PIP4K2B: variants seen among roughly 807,000 people sequenced by gnomAD.
PIP4K2B encodes phosphatidylinositol 5-phosphate 4-kinase type-2 beta.
A neutral mutation model predicts 42.0 loss-of-function variants in PIP4K2B; 3 were observed. That is an observed-to-expected ratio of 0.07 (90% CI 0.03 to 0.18). PIP4K2B has a LOEUF of 0.18. PIP4K2B is among the 10% of genes least tolerant of loss of function. PIP4K2B has a pLI of 1.00. For missense variants in PIP4K2B, 332 were observed against 562.3 expected (o/e 0.59, Z 4.14); for synonymous variants, 204 against 210.1 (o/e 0.97, Z 0.25).
intron 9 of PIP4K2B, among the ~76,000 whole-genome samples, chr17:38,770,008 G>A (rs1431880792): frequency 6.6e-6 from 1 of 152,186 alleles, no homozygotes; most frequent in Admixed American, 6.5e-5. Context: ...AAGAAAGGCA[G>A]TGGGGAGGTG....
chr17:38,781,351 G>A (rs531616404), intron 3 of PIP4K2B, among the ~76,000 whole-genome samples: 5 of 152,084 alleles, frequency 3.3e-5, no homozygotes, highest in South Asian at 2.1e-4. Context: ...GTGGGAAGGC[G>A]TGAGTCAACC....
At chr17:38,783,595 TTCTC>T (rs757562514) in intron 3 of PIP4K2B, among the ~76,000 whole-genome samples, 3 of 148,978 alleles carry the variant, frequency 2.0e-5, no homozygotes, top group Admixed American at 6.9e-5. Flanking sequence ...CTAACAACAA[TTCTC>T]TCTCTCTTTT....
At chr17:38,795,101 A>G (rs1425041666) in intron 1 of PIP4K2B, among the ~76,000 whole-genome samples, 7 of 64,564 alleles carry the variant, frequency 1.1e-4, no homozygotes, top group African/African-American at 8.8e-4. Flanking sequence ...CTCCATCTCA[A>G]AAAAAAAAAA....
rs1247348948 is a variant in PIP4K2B, at chr17:38,767,971, GC to G, written c.*1719del. On this transcript the variant is annotated 3_prime_UTR_variant, in exon 10 of 10. Coordinates refer to ENST00000619039, the MANE Select transcript of PIP4K2B (RefSeq NM_003559.5). ...AGAAGGTTTCCCATCCAATCCAGCA[GC>G]CCCAGTGAAGTCCAAGAATGCCGTC... 1 of 152,254 alleles carries G rather than the reference GC, an allele frequency of 6.6e-6. No homozygotes were observed. The highest frequency in any genetic ancestry group is 1.9e-4 in the East Asian group (1 of 5,198). 9.4% of individuals were successfully genotyped at this position (152,254 alleles called of 1,614,324 possible).
At chr17:38,796,152 AAAC>A (rs1315542412) in intron 1 of PIP4K2B, among the ~76,000 whole-genome samples, 1 of 152,102 alleles carries the variant, frequency 6.6e-6, no homozygotes, top group Non-Finnish European at 1.5e-5. Flanking sequence ...ACAAACAAAC[AAAC>A]AAAATCACAA....
At chr17:38,784,089 C>G (rs913387350) in intron 3 of PIP4K2B, among the ~76,000 whole-genome samples, 154 bp downstream of exon 3, 3 of 152,222 alleles carry the variant, frequency 2.0e-5, no homozygotes, top group Non-Finnish European at 4.4e-5. Context: ...AAGGGGCCCC[C>G]AGTGCTGGGG....
intron 1 of PIP4K2B, among the ~76,000 whole-genome samples, chr17:38,791,091 C>A (rs228307): frequency 0.94 from 143,780 of 152,208 alleles, 67,959 homozygotes; most frequent in East Asian, 1. Context: ...ACCCTGACAC[C>A]CTCAAAGTCA....
rs373177749 is a variant in PIP4K2B, at chr17:38,777,805, G to A, written c.694-5C>T. The A allele has an allele frequency of 2.1e-5, 34 of 1,600,730 alleles. No homozygotes were observed. The highest frequency in any genetic ancestry group is 3.3e-4 in the Middle Eastern group (2 of 6,038). On this transcript the variant is annotated splice_region_variant and splice_polypyrimidine_tract_variant and intron_variant, in intron 6 of 9. Transcript: ENST00000619039. ...GAATGTTGGCAAGTCCTTGGCCTAG[G>A]AGAGCAACAGCAGTTAGGCTGGGTA... is the stretch of plus-strand genomic sequence containing the variant.
At chr17:38,794,860 G>C (rs1024131633) in intron 1 of PIP4K2B, among the ~76,000 whole-genome samples, 2 of 151,800 alleles carry the variant, frequency 1.3e-5, no homozygotes, top group African/African-American at 4.8e-5. Flanking sequence ...ACCACTTTGG[G>C]AGGCCGAGGC....
chr17:38,787,889 C>T (rs1159226509), intron 1 of PIP4K2B, among the ~76,000 whole-genome samples: 1 of 152,316 alleles, frequency 6.6e-6, no homozygotes, highest in Admixed American at 6.5e-5. Flanking sequence ...TGAGCCACCA[C>T]GCTCGGCTTT....
chr17:38,771,334 C>T (rs1909029955), intron 7 of PIP4K2B, 62 bp from the exon 8 acceptor site: 5 of 1,580,062 alleles, frequency 3.2e-6, no homozygotes, highest in Non-Finnish European at 3.5e-6. Context: ...ATCCCAGTGA[C>T]ATCCAGAAAG....
rs143233433 is a variant in PIP4K2B, at chr17:38,780,662, G to A, written c.355-58C>T. The A allele has an allele frequency of 3.3e-5, 51 of 1,552,318 alleles. No homozygotes were observed. In the African/African-American group the frequency reaches 5.0e-4, roughly 15 times the overall value. ...GCAGGGGAACAGAATTCTGACTTTC[G>A]CTGAGTCTTCCCTCAGGGGCTGGAC... On this transcript the variant is annotated intron_variant, in intron 3 of 9. Coordinates refer to ENST00000619039, the MANE Select transcript of PIP4K2B (RefSeq NM_003559.5).
In PIP4K2B at chr17:38,784,246, GT is replaced by G; in HGVS notation, c.350del (p.Tyr117SerfsTer5). ...RERFGIDDQD[Y>X]QNSVTRSAPI... ...ATGTTGCCAGGAGCCTCCATACCTG[GT>G]AATCCTGATCATCAATTCCAAACCT... On this transcript the variant is annotated frameshift_variant, in exon 3 of 10. Transcript: ENST00000619039. LOFTEE classifies it high-confidence loss of function. 6.3e-7 allele frequency: 1 copy of G among 1,597,402 alleles called. No homozygotes were observed. The highest frequency in any genetic ancestry group is 8.6e-7 in the Non-Finnish European group (1 of 1,164,854).
intron 5 of PIP4K2B, among the ~76,000 whole-genome samples, chr17:38,778,758 G>A (rs1909513300): frequency 6.6e-6 from 1 of 152,186 alleles, no homozygotes; most frequent in African/African-American, 2.4e-5. Flanking sequence ...GAGGGACAGT[G>A]GCCAGGGCCT....
chr17:38,778,044 C>T (rs1245823564), intron 6 of PIP4K2B, among the ~76,000 whole-genome samples: 2 of 152,214 alleles, frequency 1.3e-5, no homozygotes, highest in African/African-American at 4.8e-5. Context: ...TGGACCAGCT[C>T]AGGGCTCAGG....
chr17:38,792,674 C>T (rs903107274), intron 1 of PIP4K2B: 3 of 152,194 alleles, frequency 2.0e-5, no homozygotes, highest in African/African-American at 7.2e-5. Flanking sequence ...CACCAGCAAT[C>T]ACTTGTTACC....
At chr17:38,793,596 G>T (rs1031443834) in intron 1 of PIP4K2B, among the ~76,000 whole-genome samples, 30 of 152,250 alleles carry the variant, frequency 2.0e-4, no homozygotes, top group African/African-American at 7.2e-4. Context: ...GGTAAAGGAG[G>T]TCAGTGGCTC....
At chr17:38,790,613 C>T (rs1352254131) in intron 1 of PIP4K2B, among the ~76,000 whole-genome samples, 1 of 152,286 alleles carries the variant, frequency 6.6e-6, no homozygotes, top group African/African-American at 2.4e-5. Context: ...CGCATGTCAC[C>T]ATGCCCTGCT....
Position 38,766,179 on chromosome 17 carries a change from G to A in PIP4K2B, c.*3512C>T, listed in dbSNP as rs1318649057. The A allele has an allele frequency of 1.3e-5, 2 of 152,404 alleles. No homozygotes were observed. Among genetic ancestry groups the A allele is most frequent in the African/African-American group, 4.8e-5 (2 of 41,572 alleles). 9.4% of individuals were successfully genotyped at this position (152,404 alleles called of 1,614,324 possible). On this transcript the variant is annotated 3_prime_UTR_variant, in exon 10 of 10. Transcript: ENST00000619039. ...GAGAGGGCCACGGTCACTGACCCCTGCAGATGGCTGGTAGATTGGGGAACA... is the reference window on the plus strand; with the variant it reads ...GAGAGGGCCACGGTCACTGACCCCTACAGATGGCTGGTAGATTGGGGAACA...
Sources: gnomAD v4.1 joint callset for allele counts (sites outside exome capture counted in the v4.1 genomes callset) on GRCh38, gnomAD v4.1.1 for gene constraint, MANE v1.5 for transcripts, NCBI Gene and HGNC (gene_info 2026-07-23, HGNC 2026-07-21) for gene names.